GLIS3: variants seen among roughly 807,000 people sequenced by gnomAD.
GLIS3 encodes GLIS family zinc finger 3.
A neutral mutation model predicts 78.6 loss-of-function variants in GLIS3; 53 were observed. The ratio of observed to expected loss-of-function variants is 0.67; its 90% CI spans 0.54 to 0.85. The LOEUF (loss-of-function observed/expected upper bound fraction) is 0.85. Ranked by LOEUF, GLIS3 falls within the 40% of genes least tolerant of loss-of-function variation. The pLI is 0.00. For missense variants in GLIS3, 1,703 were observed against 1,231.1 expected, an observed-to-expected ratio of 1.38 and a Z score of -5.74; for synonymous variants, 684 against 509.9, an observed-to-expected ratio of 1.34 and a Z score of -4.60.
intron 4 of GLIS3, among the ~76,000 whole-genome samples, chr9:4,058,633 G>A (rs545724084): frequency 2.0e-4 from 31 of 152,220 alleles, no homozygotes; most frequent in Admixed American, 1.3e-4. Flanking sequence ...GGCCAAGAGC[G>A]ACATTTGCTT....
At position 4,084,256 on chromosome 9, in the gene GLIS3, AACACAC is replaced by A. The variant is rs370384726; in HGVS notation, c.1710+33506_1710+33511del. Among the ~76,000 whole-genome samples the A allele has an allele frequency of 1.8e-3, 232 of 132,198 alleles. 2 individuals are homozygous for A. Among genetic ancestry groups the A allele is most frequent in the African/African-American group, 5.4e-3 (195 of 36,040 alleles). The allele number at this position is 132,198 out of a possible 152,430, so 86.7% of individuals were successfully genotyped here. A position where few individuals can be genotyped will look rare whatever the true frequency, so the allele number is the denominator to read the frequency against. ...CTCTCTCTCCTTCCTTCCTCTCTCT[AACACAC>A]ACACACACACACACACACACACACA... On this transcript the variant is annotated intron_variant, in intron 4 of 10. Coordinates refer to ENST00000381971, the MANE Select transcript of GLIS3 (RefSeq NM_001042413.2).
intron 6 of GLIS3, among the ~76,000 whole-genome samples, chr9:3,908,685 C>T (rs1458036053): frequency 2.1e-5 from 3 of 142,744 alleles, no homozygotes; most frequent in Non-Finnish European, 4.5e-5. Context: ...AACAAGGCAC[C>T]ATCAATTGTG....
At chr9:4,447,500 T>A in the GLIS3 span, among the ~76,000 whole-genome samples, 2 of 152,184 alleles carry the variant, frequency 1.3e-5, no homozygotes, top group African/African-American at 4.8e-5. Flanking sequence ...TTGCATGTCT[T>A]ATTTCATTTA....
chr9:3,848,300 A>G (rs1357660430), intron 9 of GLIS3, among the ~76,000 whole-genome samples: 1 of 152,184 alleles, frequency 6.6e-6, no homozygotes, highest in African/African-American at 2.4e-5. Flanking sequence ...CGGGAGTTCA[A>G]GAGCAGCCTG....
At chr9:4,166,416 C>A (rs1260132001) in intron 2 of GLIS3, among the ~76,000 whole-genome samples, 1 of 152,126 alleles carries the variant, frequency 6.6e-6, no homozygotes, top group Admixed American at 6.5e-5. Flanking sequence ...GGGCCTCGAG[C>A]TAATCTTTAC....
intron 4 of GLIS3, among the ~76,000 whole-genome samples, chr9:3,954,169 C>G (rs1299352361): frequency 6.6e-6 from 1 of 152,090 alleles, no homozygotes; most frequent in Non-Finnish European, 1.5e-5. Context: ...TTGATTTTTC[C>G]CATCTCTATT....
At chr9:4,147,954 C>T (rs1005453143) in intron 2 of GLIS3, among the ~76,000 whole-genome samples, 1 of 152,176 alleles carries the variant, frequency 6.6e-6, no homozygotes. Context: ...TTTCATTTTG[C>T]ACACATCTCT....
At chr9:3,848,136 A>G (rs1048360623) in intron 9 of GLIS3, among the ~76,000 whole-genome samples, 2 of 152,226 alleles carry the variant, frequency 1.3e-5, no homozygotes, top group African/African-American at 4.8e-5. Context: ...TTATTATTTC[A>G]TAACCTCATA....
chr9:4,148,593 A>T (rs79496330), intron 2 of GLIS3, among the ~76,000 whole-genome samples: 1 of 151,682 alleles, frequency 6.6e-6, no homozygotes, highest in African/African-American at 2.4e-5. Flanking sequence ...GAGGACAGGG[A>T]CTGTACCTAA....
chr9:4,372,444 A>G, the GLIS3 span, among the ~76,000 whole-genome samples: 1 of 152,030 alleles, frequency 6.6e-6, no homozygotes, highest in East Asian at 1.9e-4. Flanking sequence ...GCCTGTAAGC[A>G]TGTCTTCAAC....
intron 8 of GLIS3, among the ~76,000 whole-genome samples, chr9:3,859,370 C>A (rs201482635): frequency 7.3e-5 from 1 of 13,780 alleles, no homozygotes; most frequent in African/African-American, 1.6e-4. Context: ...CACACACACA[C>A]ACACACACAC....
the GLIS3 span, among the ~76,000 whole-genome samples, chr9:4,379,962 A>G: frequency 3.3e-4 from 19 of 56,784 alleles, no homozygotes; most frequent in African/African-American, 1.1e-3. Context: ...AGACAGAGTG[A>G]AAGACCCCCA....
At chr9:4,039,699 T>C (rs1824638717) in intron 4 of GLIS3, among the ~76,000 whole-genome samples, 1 of 152,188 alleles carries the variant, frequency 6.6e-6, no homozygotes, top group African/African-American at 2.4e-5. Flanking sequence ...CTGTATTTTC[T>C]AAGATCTATG....
chr9:4,011,480 A>G (rs1822007060), intron 4 of GLIS3, among the ~76,000 whole-genome samples: 1 of 152,234 alleles, frequency 6.6e-6, no homozygotes, highest in Non-Finnish European at 1.5e-5. Flanking sequence ...CTTGGGGAAC[A>G]GATGTTGGAC....
At chr9:4,380,204 A>T in the GLIS3 span, among the ~76,000 whole-genome samples, 5 of 152,234 alleles carry the variant, frequency 3.3e-5, no homozygotes, top group African/African-American at 1.2e-4. Flanking sequence ...AGAAGTTCTA[A>T]CAGAATAAAT....
chr9:4,423,285 A>T, the GLIS3 span, among the ~76,000 whole-genome samples: 1 of 152,134 alleles, frequency 6.6e-6, no homozygotes, highest in African/African-American at 2.4e-5. Context: ...CAGGGAGCTG[A>T]AGCTGAAACT....
At chr9:4,125,184 T>G (rs1832479824) in intron 3 of GLIS3, among the ~76,000 whole-genome samples, 1 of 152,218 alleles carries the variant, frequency 6.6e-6, no homozygotes, top group African/African-American at 2.4e-5. Context: ...TCATAAAGTC[T>G]TAAAATTTAT....
the GLIS3 span, among the ~76,000 whole-genome samples, chr9:4,409,326 T>G: frequency 2.6e-5 from 4 of 152,190 alleles, no homozygotes; most frequent in Admixed American, 2.0e-4. Flanking sequence ...GCTTAATTGA[T>G]GAGATGTGAG....
At chr9:3,937,439 T>C (rs947177966) in intron 4 of GLIS3, among the ~76,000 whole-genome samples, 2 of 152,230 alleles carry the variant, frequency 1.3e-5, no homozygotes, top group Non-Finnish European at 2.9e-5. Flanking sequence ...GATTTACTTA[T>C]GTCAGAGAAA....
Sources: allele counts gnomAD v4.1 joint callset (sites outside exome capture counted in the v4.1 genomes callset), GRCh38; gene constraint gnomAD v4.1.1; transcripts MANE v1.5; gene names NCBI Gene and HGNC (gene_info 2026-07-23, HGNC 2026-07-21).